Variants in TTLL7 observed in about 807,000 individuals in gnomAD.
TTLL7 encodes tubulin polyglutamylase TTLL7.
TTLL7 carries 53 observed loss-of-function variants against 120.2 expected under a neutral mutation model. That is an observed-to-expected ratio of 0.44 (90% CI 0.35 to 0.55). The LOEUF (loss-of-function observed/expected upper bound fraction) is 0.55, where lower values mean the gene tolerates loss of function less well. Among genes scored for constraint, TTLL7 ranks in the 20% least tolerant of loss-of-function variants. The pLI is 0.00. For synonymous variants in TTLL7, 353 were observed against 351.7 expected (o/e 1.00, Z -0.04); for missense variants, 803 against 1,054.7 (o/e 0.76, Z 3.31).
Position 83,917,616 on chromosome 1 carries a change from A to T in TTLL7, c.1575T>A (p.Thr525=). The change falls in exon 14 of 21, where the codon ACT becomes ACA. Residue 525 remains threonine, a synonymous_variant. Transcript: ENST00000260505. Reference sequence around the variant, plus strand: ...AGATATACTGCACCTTTGGTCCTCGAGTCTTGGTAGTTTTTCCCATCAACT... The same window carrying T: ...AGATATACTGCACCTTTGGTCCTCGTGTCTTGGTAGTTTTTCCCATCAACT... ...DEKLMGKTTK[T]RGPKPLCSMP... The T allele has an allele frequency of 6.2e-7, 1 of 1,612,336 alleles. No individual in the cohort carries two copies. The highest frequency in any genetic ancestry group is 1.1e-5 in the South Asian group (1 of 91,044).
At chr1:83,883,494 A>T (rs1654706519) in intron 19 of TTLL7, among the ~76,000 whole-genome samples, 1 of 151,744 alleles carries the variant, frequency 6.6e-6, no homozygotes. Context: ...GCCTCAAGTG[A>T]TCCTCCCTCA....
chr1:83,942,665 C>A lies in TTLL7; in HGVS notation c.521G>T (p.Arg174Ile), dbSNP rs1308126665. 1 of 1,611,414 alleles carries A rather than the reference C, an allele frequency of 6.2e-7. No individual in the cohort carries two copies. The highest frequency in any genetic ancestry group is 1.7e-5 in the Admixed American group (1 of 59,740). The part of the protein sequence containing the change: ...GAMGHGISLI[R>I]NGDKLPSQDH... ...CTGAGATGGAAGTTTGTCACCATTT[C>A]TTATCAAAGAAATCCTATGTTTAAA... The change falls in exon 7 of 21, where the codon AGA (arginine) becomes ATA (isoleucine). Residue 174 changes from arginine (R) to isoleucine (I), a missense_variant. Coordinates refer to ENST00000260505, the MANE Select transcript of TTLL7 (RefSeq NM_024686.6).
chr1:83,994,061 G>A (rs1389334919), intron 1 of TTLL7, among the ~76,000 whole-genome samples: 1 of 152,144 alleles, frequency 6.6e-6, no homozygotes, highest in Non-Finnish European at 1.5e-5. Flanking sequence ...TCAATAATAG[G>A]TTTCAACTAA....
intron 1 of TTLL7, among the ~76,000 whole-genome samples, chr1:83,982,999 A>G (rs1652108082): frequency 6.6e-6 from 1 of 152,056 alleles, no homozygotes; most frequent in Non-Finnish European, 1.5e-5. Flanking sequence ...AAAGCCGCAT[A>G]GCGACACCTC....
intron 5 of TTLL7, 22 bp from the exon 6 acceptor site, chr1:83,947,304 A>G (rs1384260354): frequency 6.4e-7 from 1 of 1,570,134 alleles, no homozygotes; most frequent in African/African-American, 1.4e-5. Flanking sequence ...ACATAATAGG[A>G]AAAATAATTT....
intron 14 of TTLL7, among the ~76,000 whole-genome samples, 167 bp from the exon 15 acceptor site, chr1:83,911,530 A>T (rs917722108): frequency 1.3e-5 from 2 of 152,160 alleles, no homozygotes; most frequent in African/African-American, 4.8e-5. Context: ...AGTGCTATGC[A>T]TTGATTGTTG....
chr1:83,909,646 T>C (rs573274381), intron 15 of TTLL7, among the ~76,000 whole-genome samples: 38 of 152,114 alleles, frequency 2.5e-4, no homozygotes, highest in Non-Finnish European at 4.6e-4. Context: ...AGATTTCAAA[T>C]GAAAATTCAT....
intron 6 of TTLL7, among the ~76,000 whole-genome samples, chr1:83,945,698 C>T (rs928099689): frequency 6.6e-6 from 1 of 151,432 alleles, no homozygotes; most frequent in Non-Finnish European, 1.5e-5. Flanking sequence ...GTTTATATTG[C>T]CATCAAAATA....
intron 20 of TTLL7, among the ~76,000 whole-genome samples, chr1:83,881,935 G>A (rs1374440973): frequency 6.6e-6 from 1 of 151,202 alleles, no homozygotes; most frequent in African/African-American, 2.4e-5. Context: ...CATGTCCTTT[G>A]TAGGGACATG....
chr1:83,914,632 T>C (rs1340194623), intron 14 of TTLL7, among the ~76,000 whole-genome samples: 3 of 152,094 alleles, frequency 2.0e-5, no homozygotes, highest in African/African-American at 7.2e-5. Context: ...GCTCTGCCTC[T>C]TCCACCTCTC....
At chr1:83,980,523 A>T (rs1651860366) in intron 1 of TTLL7, 3 of 152,178 alleles carry the variant, frequency 2.0e-5, no homozygotes, top group Admixed American at 2.0e-4. Flanking sequence ...TGTTAATCCC[A>T]TTTCCTGTAT....
intron 10 of TTLL7, among the ~76,000 whole-genome samples, chr1:83,922,417 G>T (rs1447729117): frequency 6.6e-6 from 1 of 152,088 alleles, no homozygotes; most frequent in Non-Finnish European, 1.5e-5. Context: ...TCATGAGATT[G>T]CATGAAGAAT....
chr1:83,981,549 G>C (rs532668191), intron 1 of TTLL7: 1 of 152,376 alleles, frequency 6.6e-6, no homozygotes, highest in African/African-American at 2.4e-5. Flanking sequence ...ACAAAGGTAG[G>C]CCAGGTGCCG....
intron 1 of TTLL7, among the ~76,000 whole-genome samples, chr1:83,998,266 T>G (rs189578902): frequency 4.6e-4 from 70 of 152,338 alleles, no homozygotes; most frequent in African/African-American, 1.6e-3. Context: ...TATATAAAAG[T>G]AAGTGCCTAG....
At chr1:83,959,583 C>G (rs570177213) in intron 1 of TTLL7, among the ~76,000 whole-genome samples, 1 of 152,188 alleles carries the variant, frequency 6.6e-6, no homozygotes, top group Admixed American at 6.5e-5. Flanking sequence ...GTTTACCCCC[C>G]TTGTTTGACC....
intron 20 of TTLL7, among the ~76,000 whole-genome samples, chr1:83,870,386 G>A (rs1384451322): frequency 1.3e-5 from 2 of 152,146 alleles, no homozygotes; most frequent in African/African-American, 4.8e-5. Flanking sequence ...TAAGTAATAT[G>A]TGGAGCCAGT....
At chr1:83,987,106 CA>C (rs1055993466) in intron 1 of TTLL7, among the ~76,000 whole-genome samples, 7 of 151,764 alleles carry the variant, frequency 4.6e-5, no homozygotes, top group African/African-American at 1.7e-4. Context: ...AAATTTAAAA[CA>C]TAGGTATAAT....
At position 83,865,831 on chromosome 1, in the gene TTLL7, G is replaced by C. The variant is rs1208251279; in HGVS notation, c.*4131C>G. 6.6e-6 allele frequency: 1 copy of C among 151,870 alleles called. No homozygotes were observed. Among genetic ancestry groups the C allele is most frequent in the Non-Finnish European group, 1.5e-5 (1 of 67,828 alleles). 9.4% of individuals were successfully genotyped at this position (151,870 alleles called of 1,614,324 possible). A position where few individuals can be genotyped will look rare whatever the true frequency, so the allele number is the denominator to read the frequency against. On this transcript the variant is annotated 3_prime_UTR_variant, in exon 21 of 21. Coordinates refer to ENST00000260505, the MANE Select transcript of TTLL7 (RefSeq NM_024686.6). ...AAGGCAGAATTTCTCTTTTCTTGAG[G>C]CTTTGTTAATACAAAGGTCAAAATT...
chr1:83,871,237 T>C (rs930720249), intron 20 of TTLL7, among the ~76,000 whole-genome samples: 2 of 152,050 alleles, frequency 1.3e-5, no homozygotes, highest in African/African-American at 4.8e-5. Flanking sequence ...GCCAGGATGG[T>C]CTCAAATGAG....
Sources: gnomAD v4.1 joint callset for allele counts (sites outside exome capture counted in the v4.1 genomes callset) on GRCh38, gnomAD v4.1.1 for gene constraint, MANE v1.5 for transcripts, NCBI Gene and HGNC (gene_info 2026-07-23, HGNC 2026-07-21) for gene names.